The following RNF145 variants were observed in gnomAD, a reference collection of about 807,000 sequenced individuals.
The protein encoded by RNF145 is ring finger protein 145.
Under a neutral mutation model 57.3 loss-of-function variants are expected in RNF145, and 12 were observed. That is an observed-to-expected ratio of 0.21 (90% CI 0.13 to 0.34). The LOEUF is 0.34. Among genes scored for constraint, RNF145 ranks in the 10% least tolerant of loss-of-function variants. The pLI is 1.00. For synonymous variants in RNF145, 262 were observed against 288.3 expected (o/e 0.91, Z 0.92); for missense variants, 429 against 799.0 (o/e 0.54, Z 5.58).
At chr5:159,176,994 A>T (rs1207419012) in intron 4 of RNF145, 127 bp from the exon 5 acceptor site, 1 of 591,506 alleles carries the variant, frequency 1.7e-6, no homozygotes, top group African/African-American at 1.9e-5. Flanking sequence ...AATCTCGTAG[A>T]TAATATTTTA....
At chr5:159,165,949 T>A (rs1784381331) in intron 8 of RNF145, among the ~76,000 whole-genome samples, 1 of 152,196 alleles carries the variant, frequency 6.6e-6, no homozygotes, top group South Asian at 2.1e-4. Context: ...TGTCTCCTAC[T>A]GTACACATGC....
chr5:159,174,308 G>A, intron 5 of RNF145, 150 bp from the exon 6 acceptor site: 1 of 593,074 alleles, frequency 1.7e-6, no homozygotes, highest in Non-Finnish European at 3.0e-6. Context: ...AGCCTATATA[G>A]TTAATAAATA....
chr5:159,166,978 A>C (rs1784411776), intron 8 of RNF145, among the ~76,000 whole-genome samples: 1 of 152,110 alleles, frequency 6.6e-6, no homozygotes, highest in African/African-American at 2.4e-5. Context: ...TAAATAAATA[A>C]ATAAATAAAA....
At chr5:159,196,590 A>G (rs1156266165) in intron 2 of RNF145, among the ~76,000 whole-genome samples, 1 of 152,208 alleles carries the variant, frequency 6.6e-6, no homozygotes, top group Non-Finnish European at 1.5e-5. Flanking sequence ...AGAAAACATG[A>G]GCATGCTTGG....
chr5:159,205,098 G>A (rs1314406235), intron 1 of RNF145, among the ~76,000 whole-genome samples: 1 of 152,082 alleles, frequency 6.6e-6, no homozygotes, highest in African/African-American at 2.4e-5. Context: ...AAAAGCTAAA[G>A]GCAACCCAAC....
chr5:159,186,228 A>G (rs906361746), intron 3 of RNF145, among the ~76,000 whole-genome samples: 3 of 152,044 alleles, frequency 2.0e-5, no homozygotes, highest in Non-Finnish European at 1.5e-5. Context: ...CTGTCTCAAA[A>G]AAGAAAGAAA....
At chr5:159,185,121 G>C (rs1181547542) in intron 3 of RNF145, among the ~76,000 whole-genome samples, 1 of 152,092 alleles carries the variant, frequency 6.6e-6, no homozygotes, top group East Asian at 1.9e-4. Context: ...AGGCCCCTTA[G>C]AACGTTTCCC....
rs1231164161 is a variant in RNF145 at position 159,157,731 on chromosome 5, TAC to T, written c.*937_*938del. 3.3e-5 allele frequency: 5 copies of T among 152,912 alleles called. No individual in the cohort carries two copies. In the East Asian group the frequency reaches 7.5e-4, roughly 23 times the overall value. The allele number at this position is 152,912 out of a possible 1,614,324, so 9.5% of individuals were successfully genotyped here. A position where few individuals can be genotyped will look rare whatever the true frequency, so the allele number is the denominator to read the frequency against. ...AAGTGGCATTTGCAGAGTGTGATCA[TAC>T]AGTTATGTACTCATTCCCAAAGTGC... On this transcript the variant is annotated 3_prime_UTR_variant, in exon 11 of 11. Coordinates refer to ENST00000424310, the MANE Select transcript of RNF145 (RefSeq NM_001199383.2).
intron 8 of RNF145, among the ~76,000 whole-genome samples, chr5:159,166,624 C>T (rs1033776444): frequency 6.6e-6 from 1 of 152,186 alleles, no homozygotes; most frequent in Non-Finnish European, 1.5e-5. Flanking sequence ...CCACTTCTGT[C>T]ATATACCAGA....
chr5:159,195,583 C>A lies in RNF145; in HGVS notation c.185-759G>T, dbSNP rs574208659. On this transcript the variant is annotated intron_variant, in intron 2 of 10. Coordinates refer to ENST00000424310, the MANE Select transcript of RNF145 (RefSeq NM_001199383.2). ...TTGATCCCCAATATCCAGGCAACGA[C>A]CATCAAAACGTTGTTACTCTTTGGC... Among the ~76,000 whole-genome samples the A allele has an allele frequency of 9.9e-5, 15 of 152,264 alleles. 1 individual carries two copies. The South Asian group carries it at 2.9e-3, about 29-fold the overall frequency.
At chr5:159,208,224 C>T (rs1047105471) in intron 1 of RNF145, 1 of 1,213,684 alleles carries the variant, frequency 8.2e-7, no homozygotes. Context: ...CAGCAGCAAC[C>T]GGGCCGCCGC....
At chr5:159,198,863 T>C (rs1038267291) in intron 2 of RNF145, among the ~76,000 whole-genome samples, 2 of 152,026 alleles carry the variant, frequency 1.3e-5, no homozygotes, top group Non-Finnish European at 2.9e-5. Flanking sequence ...TATATGCCTG[T>C]AGTACCAGCT....
At chr5:159,197,015 C>G (rs1266375691) in intron 2 of RNF145, among the ~76,000 whole-genome samples, 2 of 152,126 alleles carry the variant, frequency 1.3e-5, no homozygotes, top group East Asian at 3.8e-4. Flanking sequence ...TAAAGTATGA[C>G]CCACTTGCAT....
intron 3 of RNF145, among the ~76,000 whole-genome samples, chr5:159,188,151 G>A (rs1052466854): frequency 6.6e-6 from 1 of 152,116 alleles, no homozygotes; most frequent in African/African-American, 2.4e-5. Context: ...GGAAGGCCAA[G>A]GCGGGCGGAT....
upstream of RNF145, chr5:159,210,044 A>G: frequency 3.0e-6 from 2 of 666,386 alleles, no homozygotes; most frequent in Non-Finnish European, 5.3e-6. Flanking sequence ...AAGTGACTGG[A>G]TGAATGAATG....
intron 8 of RNF145, among the ~76,000 whole-genome samples, chr5:159,163,759 A>C (rs1404327095): frequency 2.0e-5 from 3 of 152,100 alleles, no homozygotes; most frequent in African/African-American, 7.2e-5. Flanking sequence ...GAGGTCCTCC[A>C]CTCCTAATTT....
At chr5:159,186,072 T>C (rs896431042) in intron 3 of RNF145, among the ~76,000 whole-genome samples, 5 of 152,090 alleles carry the variant, frequency 3.3e-5, no homozygotes, top group Admixed American at 6.5e-5. Flanking sequence ...AAACAAAAAA[T>C]ACAACAATTA....
intron 1 of RNF145, chr5:159,208,247 AAG>A: frequency 1.1e-6 from 1 of 933,648 alleles, no homozygotes; most frequent in Non-Finnish European, 1.4e-6. Context: ...CCGCGGGGCT[AAG>A]AGATTACGTT....
At chr5:159,190,435 C>G (rs1008063657) in intron 3 of RNF145, among the ~76,000 whole-genome samples, 20 of 151,760 alleles carry the variant, frequency 1.3e-4, no homozygotes, top group Admixed American at 1.3e-3. Context: ...CCTGTAATCC[C>G]AAAGCTTTGG....
Sources: allele counts gnomAD v4.1 joint callset (sites outside exome capture counted in the v4.1 genomes callset), GRCh38; gene constraint gnomAD v4.1.1; transcripts MANE v1.5; gene names NCBI Gene and HGNC (gene_info 2026-07-23, HGNC 2026-07-21).